Variants in RNF138 observed in about 807,000 individuals in gnomAD.
RNF138 encodes the protein ring finger protein 138.
RNF138 carries 12 observed loss-of-function variants against 31.0 expected under a neutral mutation model. The ratio of observed to expected loss-of-function variants is 0.39; its 90% CI spans 0.25 to 0.63. The LOEUF is 0.63. Ranked by LOEUF, RNF138 falls within the 20% of genes least tolerant of loss-of-function variation. RNF138 has a pLI of 0.52. For synonymous variants in RNF138, 105 were observed against 99.5 expected, an observed-to-expected ratio of 1.06 and a Z score of -0.33; for missense variants, 192 against 300.1, an observed-to-expected ratio of 0.64 and a Z score of 2.66.
At chr18:32,100,201 G>GATATATATATATATATAT (rs34225221) in intron 2 of RNF138, among the ~76,000 whole-genome samples, 1 of 146,562 alleles carries the variant, frequency 6.8e-6, no homozygotes, top group African/African-American at 2.5e-5. Flanking sequence ...TAGTGATTGA[G>GATATATATATATATATAT]ATATATATAT....
intron 2 of RNF138, among the ~76,000 whole-genome samples, chr18:32,094,208 C>CT (rs11441456): frequency 0.36 from 53,771 of 149,174 alleles, 11,428 homozygotes; most frequent in Admixed American, 0.52. Context: ...ACTTTTTTTT[C>CT]TTTTTTTTTT....
Position 32,129,150 on chromosome 18 carries a change from A to G in RNF138, c.701A>G (p.Gln234Arg), listed in dbSNP as rs1274943635. The change falls in exon 8 of 8, where the codon CAA (glutamine) becomes CGA (arginine). Residue 234 changes from glutamine to arginine, a missense_variant. By Grantham distance (43) the Gln-to-Arg change is conservative. This residue lies in a region of RNF138 where 140 missense variants were observed against 251.7 expected (regional missense o/e 0.56). Transcript: ENST00000261593. ...CAGCTAGATGAAGAAACCCAATACC[A>G]AACTGCTGTTGAAGAATCTTTTCAA... ...NLQLDEETQY[Q>R]TAVEESFQVN... 1.9e-6 allele frequency: 3 copies of G among 1,612,834 alleles called. No homozygotes were observed.
chr18:32,121,229 C>G (rs2040300861), intron 4 of RNF138, among the ~76,000 whole-genome samples: 1 of 151,946 alleles, frequency 6.6e-6, no homozygotes, highest in African/African-American at 2.4e-5. Context: ...GGTGTGGTGG[C>G]TCATGCTTGT....
chr18:32,099,750 G>T (rs1482439217), intron 2 of RNF138, among the ~76,000 whole-genome samples: 1 of 152,118 alleles, frequency 6.6e-6, no homozygotes, highest in Non-Finnish European at 1.5e-5. Flanking sequence ...AACATTTTTG[G>T]AATCAGATAA....
intron 4 of RNF138, among the ~76,000 whole-genome samples, chr18:32,118,457 C>G (rs775491996): frequency 3.3e-5 from 5 of 151,234 alleles, no homozygotes; most frequent in African/African-American, 4.9e-5. Flanking sequence ...TTTCTTGAAC[C>G]CAGGAGGCAG....
At chr18:32,092,996 C>A in intron 2 of RNF138, 110 bp downstream of exon 2, 1 of 548,364 alleles carries the variant, frequency 1.8e-6, no homozygotes, top group Non-Finnish European at 3.0e-6. Flanking sequence ...CCGCGGCCTG[C>A]CCGAGCGTCG....
At chr18:32,103,514 A>C (rs2039976300) in intron 2 of RNF138, among the ~76,000 whole-genome samples, 1 of 151,942 alleles carries the variant, frequency 6.6e-6, no homozygotes, top group Non-Finnish European at 1.5e-5. Context: ...TTGATTAAAC[A>C]TTTTTGTGTA....
chr18:32,093,515 C>T (rs2039747748), intron 2 of RNF138, among the ~76,000 whole-genome samples: 1 of 152,130 alleles, frequency 6.6e-6, no homozygotes, highest in South Asian at 2.1e-4. Flanking sequence ...AATGAGTTTT[C>T]TTCTCTGGTC....
At chr18:32,098,327 T>G (rs962678755) in intron 2 of RNF138, among the ~76,000 whole-genome samples, 1 of 151,944 alleles carries the variant, frequency 6.6e-6, no homozygotes, top group Non-Finnish European at 1.5e-5. Flanking sequence ...TAGTTTAAAT[T>G]TTTTAGAGAT....
rs892750472 is a variant in RNF138, at chr18:32,121,121, G to C, written c.393-2397G>C. 7.0e-5 allele frequency among the ~76,000 whole-genome samples: 10 copies of C among 143,176 alleles called. No individual in the cohort carries two copies. In the South Asian group the frequency reaches 2.3e-3, roughly 33 times the overall value. 93.9% of individuals were successfully genotyped at this position (143,176 alleles called of 152,430 possible). A position where few individuals can be genotyped will look rare whatever the true frequency, so the allele number is the denominator to read the frequency against. ...CTGCACTCCAGCCTGGGAGACAAGA[G>C]TGAGACTGTCTCAAAAAAAAACAAA... On this transcript the variant is annotated intron_variant, in intron 4 of 7. Coordinates refer to ENST00000261593, the MANE Select transcript of RNF138 (RefSeq NM_016271.5).
At position 32,093,389 on chromosome 18, in the gene RNF138, G is replaced by T. The variant is rs2039744446; in HGVS notation, c.110+503G>T. On this transcript the variant is annotated intron_variant, in intron 2 of 7. Coordinates refer to ENST00000261593, the MANE Select transcript of RNF138 (RefSeq NM_016271.5). ...TTCAAGTTTCCTCTTTCAGAACCTT[G>T]GTCCGTCCCCTCGGTCCAAGAGCTC... is the stretch of plus-strand genomic sequence containing the variant. Among the ~76,000 whole-genome samples, 5 of 152,280 alleles carry T rather than the reference G, an allele frequency of 3.3e-5. No individual in the cohort carries two copies. The South Asian group carries it at 1.0e-3, about 32-fold the overall frequency.
intron 2 of RNF138, among the ~76,000 whole-genome samples, chr18:32,111,086 G>C (rs1205855911): frequency 6.6e-6 from 1 of 152,238 alleles, no homozygotes; most frequent in African/African-American, 2.4e-5. Flanking sequence ...GGCAAAGCCG[G>C]AAGTATTCTT....
chr18:32,110,804 G>A (rs540958000), intron 2 of RNF138, among the ~76,000 whole-genome samples: 235 of 149,990 alleles, frequency 1.6e-3, no homozygotes, highest in African/African-American at 5.4e-3. Flanking sequence ...TTTTTGAGAC[G>A]GAGTCTTGCT....
chr18:32,121,027 C>T (rs929967416), intron 4 of RNF138, among the ~76,000 whole-genome samples: 3 of 151,410 alleles, frequency 2.0e-5, no homozygotes, highest in Admixed American at 6.6e-5. Flanking sequence ...CCCAGCTACT[C>T]GGGAGGCTGA....
intron 7 of RNF138, among the ~76,000 whole-genome samples, chr18:32,128,787 C>T (rs1289724059): frequency 6.6e-6 from 1 of 152,180 alleles, no homozygotes; most frequent in East Asian, 1.9e-4. Flanking sequence ...GTTGCAACTA[C>T]AGGCGCATGC....
chr18:32,107,854 C>T (rs1468105638), intron 2 of RNF138, among the ~76,000 whole-genome samples: 1 of 151,520 alleles, frequency 6.6e-6, no homozygotes. Context: ...ATATAACTAC[C>T]CTTGTTTAAA....
intron 4 of RNF138, among the ~76,000 whole-genome samples, chr18:32,115,092 T>C (rs2144252261): frequency 6.6e-6 from 1 of 152,316 alleles, no homozygotes; most frequent in East Asian, 1.9e-4. Context: ...TAATTTCCTA[T>C]CTGCTTTTTT....
chr18:32,107,832 A>G (rs1363040909), intron 2 of RNF138, among the ~76,000 whole-genome samples: 1 of 151,512 alleles, frequency 6.6e-6, no homozygotes, highest in African/African-American at 2.4e-5. Flanking sequence ...AATTATTTTT[A>G]TAACAGTTTT....
rs1393150714 is a variant in RNF138, at chr18:32,130,276, AC to A, written c.*1090del. 1 of 152,370 alleles carries A rather than the reference AC, an allele frequency of 6.6e-6. No individual in the cohort carries two copies. The highest frequency in any genetic ancestry group is 2.4e-5 in the African/African-American group (1 of 41,436). The allele number at this position is 152,370 out of a possible 1,614,324, so 9.4% of individuals were successfully genotyped here. A position where few individuals can be genotyped will look rare whatever the true frequency, so the allele number is the denominator to read the frequency against. ...ACAGTGCTAAGTTATCTAGTTGGCT[AC>A]TATTACACCTTAAAAATTGAGTTTA... On this transcript the variant is annotated 3_prime_UTR_variant, in exon 8 of 8. Coordinates refer to ENST00000261593, the MANE Select transcript of RNF138 (RefSeq NM_016271.5).
Sources: allele counts gnomAD v4.1 joint callset (sites outside exome capture counted in the v4.1 genomes callset), GRCh38; gene constraint gnomAD v4.1.1; regional missense constraint gnomAD v4.1.1; transcripts MANE v1.5; gene names NCBI Gene and HGNC (gene_info 2026-07-23, HGNC 2026-07-21).